The following ACP3 variants were observed in gnomAD, a reference collection of about 807,000 sequenced individuals.
ACP3 encodes acid phosphatase 3, also known as prostatic acid phosphatase.
Under a neutral mutation model 45.6 loss-of-function variants are expected in ACP3, and 38 were observed. The ratio of observed to expected loss-of-function variants is 0.83; its 90% CI spans 0.64 to 1.09. The LOEUF is 1.09. ACP3 is among the 50% of genes least tolerant of loss of function. The pLI is 0.00. For missense variants in ACP3, 466 were observed against 463.2 expected (o/e 1.01, Z -0.05); for synonymous variants, 162 against 164.7 (o/e 0.98, Z 0.13).
chr3:132,357,574 GA>G lies in ACP3; in HGVS notation c.*699del, dbSNP rs1310207194. 6.1e-6 allele frequency: 6 copies of G among 984,366 alleles called. No homozygotes were observed. The African/African-American group carries it at 8.7e-5, about 14-fold the overall frequency. The allele number at this position is 984,366 out of a possible 1,614,324, so 61.0% of individuals were successfully genotyped here. A position where few individuals can be genotyped will look rare whatever the true frequency, so the allele number is the denominator to read the frequency against. ...AAAGAAACAAAAATCAAACTTTACA[GA>G]AAGATTTGATGTATGTAATACATAT... is the stretch of plus-strand genomic sequence containing the variant. On this transcript the variant is annotated 3_prime_UTR_variant, in exon 10 of 10. Transcript: ENST00000336375.
chr3:132,368,195 A>G (rs1484861530), exon 11 of ACP3: 3 of 169,034 alleles, frequency 1.8e-5, no homozygotes, highest in Admixed American at 6.3e-5. Context: ...GATTAGAAAA[A>G]TACTGGATAT....
chr3:132,359,813 T>A (rs1241259584), downstream of ACP3, among the ~76,000 whole-genome samples: 4 of 151,740 alleles, frequency 2.6e-5, no homozygotes, highest in African/African-American at 9.7e-5. Context: ...ATCTCAAGAG[T>A]GGAATGTGTC....
At position 132,357,842 on chromosome 3, in the gene ACP3, T is replaced by C; in HGVS notation, c.*964T>C. 1.7e-6 allele frequency: 1 copy of C among 597,746 alleles called. No homozygotes were observed. The highest frequency in any genetic ancestry group is 2.1e-6 in the Non-Finnish European group (1 of 475,862). The allele number at this position is 597,746 out of a possible 1,614,324, so 37.0% of individuals were successfully genotyped here. ...TGAGCTCAGGAGGTCAAGATCAGCC[T>C]GGGCAACATGGTGAAACCTGGTCTC... On this transcript the variant is annotated 3_prime_UTR_variant, in exon 10 of 10. Coordinates refer to ENST00000336375, the MANE Select transcript of ACP3 (RefSeq NM_001099.5).
At chr3:132,362,736 A>G (rs1225240789), downstream of ACP3, among the ~76,000 whole-genome samples, 4 of 152,224 alleles carry the variant, frequency 2.6e-5, no homozygotes, top group African/African-American at 9.6e-5. Flanking sequence ...AGAGAGGAGG[A>G]TGTTACAGAC....
chr3:132,340,315 C>CAAA (rs77702139), intron 5 of ACP3, among the ~76,000 whole-genome samples: 38 of 77,460 alleles, frequency 4.9e-4, no homozygotes, highest in Middle Eastern at 8.8e-3. Flanking sequence ...AATTCCGTCT[C>CAAA]AAAAAAAAAA....
Position 132,345,075 on chromosome 3 carries a change from T to C in ACP3, c.781+16T>C, listed in dbSNP as rs768680586. Reference sequence around the variant, plus strand: ...CTCCAAGGGGGTAAGTATTAAAAAATGAGAGGAGCATATTGGATTTGTGGT... The same window carrying C: ...CTCCAAGGGGGTAAGTATTAAAAAACGAGAGGAGCATATTGGATTTGTGGT... On this transcript the variant is annotated intron_variant, in intron 7 of 9. Coordinates refer to ENST00000336375, the MANE Select transcript of ACP3 (RefSeq NM_001099.5). 1.3e-5 allele frequency: 21 copies of C among 1,607,476 alleles called. No homozygotes were observed. The East Asian group carries it at 1.6e-4, about 12-fold the overall frequency.
chr3:132,364,268 G>C (rs1938093817), intron 10 of ACP3, among the ~76,000 whole-genome samples: 2 of 152,056 alleles, frequency 1.3e-5, no homozygotes, highest in Non-Finnish European at 2.9e-5. Context: ...GGATCACCCG[G>C]GCTTAGGAGG....
At chr3:132,355,932 AG>A (rs1321376305) in intron 9 of ACP3, among the ~76,000 whole-genome samples, 1 of 152,228 alleles carries the variant, frequency 6.6e-6, no homozygotes, top group African/African-American at 2.4e-5. Flanking sequence ...TTACACCAAA[AG>A]AAGGATCTCT....
At chr3:132,323,694 A>G (rs1458776534) in intron 1 of ACP3, among the ~76,000 whole-genome samples, 1 of 152,236 alleles carries the variant, frequency 6.6e-6, no homozygotes, top group Non-Finnish European at 1.5e-5. Context: ...TATTGGATGT[A>G]ACAGCAGGAG....
intron 2 of ACP3, among the ~76,000 whole-genome samples, chr3:132,330,506 C>T (rs1259124029): frequency 6.6e-6 from 1 of 152,160 alleles, no homozygotes; most frequent in African/African-American, 2.4e-5. Context: ...TGATTCTGTG[C>T]ATGCTAAAGT....
intron 1 of ACP3, among the ~76,000 whole-genome samples, chr3:132,317,818 G>A (rs1413017549): frequency 1.3e-5 from 2 of 152,184 alleles, no homozygotes; most frequent in Non-Finnish European, 2.9e-5. Context: ...TTTTGCTGAT[G>A]TTATTTATTT....
intron 7 of ACP3, among the ~76,000 whole-genome samples, chr3:132,348,488 A>G (rs1354792809): frequency 6.6e-6 from 1 of 152,168 alleles, no homozygotes; most frequent in Non-Finnish European, 1.5e-5. Flanking sequence ...CTCCTGGGAT[A>G]AGGGTGTAAT....
chr3:132,317,462 A>T lies in ACP3; in HGVS notation c.6A>T (p.Arg2Ser), dbSNP rs765320569. The T allele has an allele frequency of 3.7e-6, 6 of 1,612,752 alleles. No individual in the cohort carries two copies. The East Asian group carries it at 6.7e-5, about 18-fold the overall frequency. The stretch of plus-strand genomic sequence containing the variant: ...CAGAAACAGCTCTCCTCAACATGAG[A>T]GCTGCACCCCTCCTCCTGGCCAGGG... M[R>S]AAPLLLARAA... is the part of the protein sequence containing the mutation. Residue 2 changes from arginine (R) to serine (S), a missense_variant, in exon 1 of 10, where the codon AGA (arginine) becomes AGT (serine). Physicochemically the swap from Arg to Ser is moderately radical, Grantham distance 110 (BLOSUM62 -1). Transcript: ENST00000336375.
At chr3:132,362,493 G>A (rs1377121391), downstream of ACP3, among the ~76,000 whole-genome samples, 1 of 152,210 alleles carries the variant, frequency 6.6e-6, no homozygotes, top group African/African-American at 2.4e-5. Context: ...CAGCAGACAA[G>A]AAGACTGTCC....
At position 132,324,282 on chromosome 3, in the gene ACP3, G is replaced by A. The variant is rs911057254; in HGVS notation, c.121-3985G>A. Among the ~76,000 whole-genome samples, 61 of 150,398 alleles carry A rather than the reference G, an allele frequency of 4.1e-4. 2 individuals are homozygous for A. The highest frequency in any genetic ancestry group is 1.9e-4 in the East Asian group (1 of 5,152). On this transcript the variant is annotated intron_variant, in intron 1 of 9. Coordinates refer to ENST00000336375, the MANE Select transcript of ACP3 (RefSeq NM_001099.5). ...TACATTTTCCACTGGATATAGCCTC[G>A]ACTGTACTCACCAGGTTCTCCACAC... is the stretch of plus-strand genomic sequence containing the variant.
chr3:132,349,928 G>C lies in ACP3; in HGVS notation c.790G>C (p.Val264Leu). 2 of 1,611,522 alleles carry C rather than the reference G, an allele frequency of 1.2e-6. No homozygotes were observed. Among genetic ancestry groups the C allele is most frequent in the Admixed American group, 1.7e-5 (1 of 59,976 alleles). Residue 264 changes from valine (V) to leucine (L), a missense_variant, in exon 8 of 10, where the codon GTC becomes CTC. Physicochemically the swap from Val to Leu is conservative, Grantham distance 32 (BLOSUM62 1). Transcript: ENST00000336375. The part of the protein sequence containing the change: ...EKSRLQGGVL[V>L]NEILNHMKRA... ...GATTCATCTTCTTTAAGGTGTCCTGGTCAATGAAATCCTCAATCACATGAA... is the reference window on the plus strand; with the variant it reads ...GATTCATCTTCTTTAAGGTGTCCTGCTCAATGAAATCCTCAATCACATGAA...
rs539861202 is a variant in ACP3 at position 132,329,274 on chromosome 3, A to G, written c.216+912A>G. ...ACTAATGGGTCTTAATCCTGCCAAAACATTGGGATTATCTGGAGAGGTTTA... is the reference window on the plus strand; with the variant it reads ...ACTAATGGGTCTTAATCCTGCCAAAGCATTGGGATTATCTGGAGAGGTTTA... On this transcript the variant is annotated intron_variant, in intron 2 of 9. Transcript: ENST00000336375. 5.3e-5 allele frequency among the ~76,000 whole-genome samples: 8 copies of G among 152,288 alleles called. No individual in the cohort carries two copies. The South Asian group carries it at 1.7e-3, about 32-fold the overall frequency.
downstream of ACP3, among the ~76,000 whole-genome samples, chr3:132,363,239 T>C (rs772553467): frequency 6.6e-6 from 1 of 152,208 alleles, no homozygotes; most frequent in African/African-American, 2.4e-5. Context: ...TCCTTATTTC[T>C]ACATCTAACT....
rs1232697996 is a variant in ACP3, at chr3:132,331,702, A to G, written c.272A>G (p.Lys91Arg). ...GAGTATATAAGAAAGAGATATAGAA[A>G]ATTCTTGAATGAGTCCTATAAACAT... ...LGEYIRKRYR[K>R]FLNESYKHEQ... The change falls in exon 3 of 10, where the codon AAA (lysine) becomes AGA (arginine). Residue 91 changes from lysine to arginine, a missense_variant. Transcript: ENST00000336375. The G allele has an allele frequency of 2.4e-5, 38 of 1,608,828 alleles. No homozygotes were observed. The highest frequency in any genetic ancestry group is 3.2e-5 in the Non-Finnish European group (38 of 1,178,824).
Sources: allele counts gnomAD v4.1 joint callset (sites outside exome capture counted in the v4.1 genomes callset), GRCh38; gene constraint gnomAD v4.1.1; transcripts MANE v1.5; gene names NCBI Gene and HGNC (gene_info 2026-07-23, HGNC 2026-07-21).